The following PHACTR1 variants were observed in gnomAD, a reference collection of about 807,000 sequenced individuals.
PHACTR1 encodes the protein phosphatase and actin regulator 1.
PHACTR1 carries 16 observed loss-of-function variants against 69.2 expected under a neutral mutation model. The observed-to-expected ratio is 0.23, with a 90% confidence interval of 0.16 to 0.35. PHACTR1 has a LOEUF of 0.35. PHACTR1 is among the 10% of genes least tolerant of loss of function. PHACTR1 has a pLI of 1.00. For synonymous variants in PHACTR1, 312 were observed against 284.5 expected (o/e 1.10, Z -0.97); for missense variants, 510 against 734.7 (o/e 0.69, Z 3.54).
intron 4 of PHACTR1, among the ~76,000 whole-genome samples, chr6:13,045,303 C>T (rs1286367556): frequency 6.6e-6 from 1 of 152,160 alleles, no homozygotes. Flanking sequence ...ATTTTAAGTG[C>T]TTAGATCAGT....
At chr6:13,173,660 T>C (rs1760919215) in intron 6 of PHACTR1, among the ~76,000 whole-genome samples, 1 of 152,204 alleles carries the variant, frequency 6.6e-6, no homozygotes, top group Non-Finnish European at 1.5e-5. Context: ...TGAAAGGTTG[T>C]TGGGATTAAC....
chr6:12,989,774 C>T (rs761636777), intron 4 of PHACTR1, among the ~76,000 whole-genome samples: 1 of 152,178 alleles, frequency 6.6e-6, no homozygotes, highest in Non-Finnish European at 1.5e-5. Context: ...AGCAGATGTT[C>T]AGGACGAAAC....
chr6:12,785,807 A>G (rs909102861), intron 4 of PHACTR1, among the ~76,000 whole-genome samples: 16 of 152,150 alleles, frequency 1.1e-4, no homozygotes, highest in African/African-American at 3.9e-4. Context: ...TATGTATTAC[A>G]TTACTCACAT....
intron 4 of PHACTR1, among the ~76,000 whole-genome samples, chr6:12,857,629 G>A (rs1780531387): frequency 6.6e-6 from 1 of 151,194 alleles, no homozygotes; most frequent in Non-Finnish European, 1.5e-5. Context: ...CTCCCAGGCA[G>A]AAATAGCACT....
chr6:12,870,571 C>T (rs1781932769), intron 4 of PHACTR1, among the ~76,000 whole-genome samples: 1 of 152,210 alleles, frequency 6.6e-6, no homozygotes, highest in African/African-American at 2.4e-5. Flanking sequence ...GTCTCTACAT[C>T]AGGCACATCT....
chr6:13,034,105 C>T (rs1473855454), intron 4 of PHACTR1, among the ~76,000 whole-genome samples: 1 of 152,030 alleles, frequency 6.6e-6, no homozygotes, highest in African/African-American at 2.4e-5. Flanking sequence ...CAGGCTCCGC[C>T]CCCTGGGGTT....
chr6:12,837,586 TA>T (rs1413173511), intron 4 of PHACTR1, among the ~76,000 whole-genome samples: 3 of 151,602 alleles, frequency 2.0e-5, no homozygotes, highest in Non-Finnish European at 3.0e-5. Flanking sequence ...TTGTCCAACT[TA>T]ACACAGTTTA....
Position 12,770,076 on chromosome 6 carries a change from G to A in PHACTR1, c.250+20286G>A, listed in dbSNP as rs116329053. On this transcript the variant is annotated intron_variant, in intron 4 of 14. Transcript: ENST00000332995. ...AAATGTCACAGGATGTGGGAAGCAGGGTATGAGTCAGTGAAGACTTCGGGT... is the reference window on the plus strand; with the variant it reads ...AAATGTCACAGGATGTGGGAAGCAGAGTATGAGTCAGTGAAGACTTCGGGT... Among the ~76,000 whole-genome samples, 1,372 of 152,288 alleles carry A rather than the reference G, an allele frequency of 9.0e-3. 20 individuals carry two copies. Among genetic ancestry groups the A allele is most frequent in the African/African-American group, 0.031 (1,301 of 41,556 alleles).
intron 12 of PHACTR1, chr6:13,279,299 G>A (rs1443356409): frequency 1.3e-5 from 2 of 152,146 alleles, no homozygotes; most frequent in Non-Finnish European, 2.9e-5. Context: ...ATTCTTGGAT[G>A]ATGCTGAAAA....
At chr6:13,195,779 A>AAAAAAAAAAAAAAAAAAAG (rs201554952) in intron 7 of PHACTR1, among the ~76,000 whole-genome samples, 34 of 118,582 alleles carry the variant, frequency 2.9e-4, no homozygotes, top group African/African-American at 8.4e-4. Context: ...AAAAAAAAAA[A>AAAAAAAAAAAAAAAAAAAG]AGTTCATTTG....
intron 4 of PHACTR1, among the ~76,000 whole-genome samples, chr6:12,794,332 C>T (rs1772711317): frequency 6.6e-6 from 1 of 152,152 alleles, no homozygotes; most frequent in Non-Finnish European, 1.5e-5. Context: ...CTTGCTTTCT[C>T]CTGAAAGGAG....
Position 12,917,090 on chromosome 6 carries a change from T to C in PHACTR1, c.251-136275T>C, listed in dbSNP as rs185719367. ...ATAACTGTGGCTTCCAAAGCAAGTG[T>C]GCCAGCCTCCAAGTTCAATGCTGCA... On this transcript the variant is annotated intron_variant, in intron 4 of 14. Transcript: ENST00000332995. 5.8e-4 allele frequency among the ~76,000 whole-genome samples: 88 copies of C among 152,342 alleles called. 2 individuals carry two copies. In the East Asian group the frequency reaches 0.015, roughly 26 times the overall value.
intron 4 of PHACTR1, among the ~76,000 whole-genome samples, chr6:12,907,901 C>A (rs573048065): frequency 6.6e-6 from 1 of 152,102 alleles, no homozygotes; most frequent in Non-Finnish European, 1.5e-5. Context: ...CCTTTTCTTA[C>A]GATGCAGAGT....
chr6:12,973,858 A>C (rs576383557), intron 4 of PHACTR1, among the ~76,000 whole-genome samples: 3 of 151,794 alleles, frequency 2.0e-5, no homozygotes, highest in Non-Finnish European at 4.4e-5. Flanking sequence ...AGAACTAACC[A>C]TCTTTAAACA....
intron 4 of PHACTR1, among the ~76,000 whole-genome samples, chr6:12,940,689 G>T (rs532397431): frequency 6.6e-6 from 1 of 152,302 alleles, no homozygotes; most frequent in South Asian, 2.1e-4. Context: ...AAGCAAGCAG[G>T]TTGGAGATTT....
intron 7 of PHACTR1, chr6:13,184,812 T>A (rs774880901): frequency 2.6e-5 from 35 of 1,366,380 alleles, no homozygotes; most frequent in Non-Finnish European, 3.4e-5. Context: ...CTGAAGAGAG[T>A]CCCTCTGCCA....
intron 5 of PHACTR1, among the ~76,000 whole-genome samples, chr6:13,075,253 C>A (rs1411172902): frequency 4.6e-5 from 7 of 152,126 alleles, no homozygotes; most frequent in African/African-American, 1.7e-4. Context: ...TTCATATAGT[C>A]TCATTTTGTG....
At chr6:13,040,679 AGT>A (rs928453270) in intron 4 of PHACTR1, among the ~76,000 whole-genome samples, 7 of 152,308 alleles carry the variant, frequency 4.6e-5, no homozygotes, top group South Asian at 2.1e-4. Flanking sequence ...TAAAATCAAG[AGT>A]GTATACAGAC....
chr6:12,771,890 A>T (rs577555187), intron 4 of PHACTR1, among the ~76,000 whole-genome samples: 34 of 152,190 alleles, frequency 2.2e-4, no homozygotes, highest in African/African-American at 7.5e-4. Flanking sequence ...TGTTCTGGGG[A>T]AATGGAAGAA....
Sources: allele counts gnomAD v4.1 joint callset (sites outside exome capture counted in the v4.1 genomes callset), GRCh38; gene constraint gnomAD v4.1.1; transcripts MANE v1.5; gene names NCBI Gene and HGNC (gene_info 2026-07-23, HGNC 2026-07-21).